Variants in FSTL4 observed in about 807,000 individuals in gnomAD.
The protein encoded by FSTL4 is follistatin-related protein 4.
In FSTL4, 28 loss-of-function variants were observed where a neutral mutation model predicts 78.2. The ratio of observed to expected loss-of-function variants is 0.36; its 90% CI spans 0.27 to 0.49. The LOEUF is 0.49. Among genes scored for constraint, FSTL4 ranks in the 20% least tolerant of loss-of-function variants. FSTL4 has a pLI of 0.98. For synonymous variants in FSTL4, 422 were observed against 440.5 expected, an observed-to-expected ratio of 0.96 and a Z score of 0.53; for missense variants, 922 against 1,084.9, an observed-to-expected ratio of 0.85 and a Z score of 2.11.
At chr5:133,363,530 T>C (rs754854391) in intron 4 of FSTL4, among the ~76,000 whole-genome samples, 35 of 152,186 alleles carry the variant, frequency 2.3e-4, no homozygotes, top group Non-Finnish European at 3.8e-4. Context: ...CGTCCAGCCC[T>C]GAATTTGAAT....
chr5:133,508,459 T>C (rs988506822), intron 3 of FSTL4, among the ~76,000 whole-genome samples: 1 of 152,204 alleles, frequency 6.6e-6, no homozygotes, highest in Non-Finnish European at 1.5e-5. Flanking sequence ...ACACCAGCAT[T>C]GCCACAAACA....
intron 7 of FSTL4, among the ~76,000 whole-genome samples, chr5:133,242,653 C>T (rs570148677): frequency 8.5e-5 from 13 of 152,134 alleles, no homozygotes; most frequent in Non-Finnish European, 1.6e-4. Flanking sequence ...GGCTGGAGTA[C>T]CATAGGCCCC....
chr5:133,829,146 T>G, the FSTL4 span, among the ~76,000 whole-genome samples: 7 of 152,098 alleles, frequency 4.6e-5, no homozygotes, highest in Non-Finnish European at 1.0e-4. Context: ...TCCCAGCACT[T>G]TGGGAGGCCA....
chr5:133,238,447 G>A (rs962884327), intron 7 of FSTL4, among the ~76,000 whole-genome samples: 1 of 152,192 alleles, frequency 6.6e-6, no homozygotes, highest in African/African-American at 2.4e-5. Flanking sequence ...AGTGACATGT[G>A]GTGCCTCGGT....
the FSTL4 span, among the ~76,000 whole-genome samples, chr5:133,771,535 T>C: frequency 7.2e-5 from 11 of 152,182 alleles, no homozygotes; most frequent in Non-Finnish European, 1.2e-4. Context: ...TCAGCTAGAT[T>C]CTTATCAGTG....
In FSTL4 at chr5:133,220,737, C is replaced by CAGTT. The variant is rs1224401415; in HGVS notation, c.1458+7_1458+10dup. On this transcript the variant is annotated intron_variant, in intron 12 of 15. Coordinates refer to ENST00000265342, the MANE Select transcript of FSTL4 (RefSeq NM_015082.2). ...TATGATGTAGAAGCTGCCCCAGGCA[C>CAGTT]AGTTACTTACATAGCTCATGAAAAT... is the stretch of plus-strand genomic sequence containing the variant. 7.3e-7 allele frequency: 1 copy of CAGTT among 1,363,814 alleles called. No homozygotes were observed. Among genetic ancestry groups the CAGTT allele is most frequent in the Non-Finnish European group, 1.1e-6 (1 of 950,966 alleles). The allele number at this position is 1,363,814 out of a possible 1,614,324, so 84.5% of individuals were successfully genotyped here.
chr5:133,757,751 T>C, the FSTL4 span, among the ~76,000 whole-genome samples: 1 of 152,210 alleles, frequency 6.6e-6, no homozygotes, highest in Non-Finnish European at 1.5e-5. Flanking sequence ...GCTCTTCTAG[T>C]TGATTCAGGG....
rs146018180 is a variant in FSTL4, at chr5:133,464,753, A to G, written c.161-63767T>C. ...AGGGAGTTGCTCACCCAGCTGCAGG[A>G]TTTGATCGGGGAAATTCTCAAAGGT... On this transcript the variant is annotated intron_variant, in intron 3 of 15. Transcript: ENST00000265342. 3.1e-3 allele frequency among the ~76,000 whole-genome samples: 468 copies of G among 152,344 alleles called. 2 individuals carry two copies. The highest frequency in any genetic ancestry group is 4.1e-3 in the Non-Finnish European group (280 of 68,028).
At chr5:133,757,785 C>G in the FSTL4 span, among the ~76,000 whole-genome samples, 1 of 152,144 alleles carries the variant, frequency 6.6e-6, no homozygotes, top group African/African-American at 2.4e-5. Flanking sequence ...ATGATTTCCA[C>G]ATAAATTTGA....
the FSTL4 span, among the ~76,000 whole-genome samples, chr5:133,696,491 C>T: frequency 6.6e-6 from 1 of 152,216 alleles, no homozygotes; most frequent in African/African-American, 2.4e-5. Context: ...GCCCCAGAGC[C>T]CTTTATCTGG....
At chr5:133,628,807 G>T in the FSTL4 span, among the ~76,000 whole-genome samples, 52 of 152,118 alleles carry the variant, frequency 3.4e-4, no homozygotes, top group Non-Finnish European at 6.6e-4. Flanking sequence ...AGGAATTCTT[G>T]TGATTTTTGC....
At chr5:133,507,674 C>CTAATT (rs1758637514) in intron 3 of FSTL4, among the ~76,000 whole-genome samples, 1 of 151,896 alleles carries the variant, frequency 6.6e-6, no homozygotes, top group South Asian at 2.1e-4. Context: ...AGGCGCCCGA[C>CTAATT]ACCATGCCCG....
chr5:133,327,119 C>G (rs1450335408), intron 4 of FSTL4, among the ~76,000 whole-genome samples: 2 of 152,232 alleles, frequency 1.3e-5, no homozygotes, highest in African/African-American at 4.8e-5. Flanking sequence ...TCTCCTGACC[C>G]TGGTCTTTCA....
intron 6 of FSTL4, among the ~76,000 whole-genome samples, chr5:133,285,222 G>C (rs1324258993): frequency 6.6e-6 from 1 of 152,242 alleles, no homozygotes; most frequent in Non-Finnish European, 1.5e-5. Flanking sequence ...AAAGAAGAGA[G>C]AGAAGTCAAG....
At chr5:133,795,556 G>T in the FSTL4 span, among the ~76,000 whole-genome samples, 1 of 152,236 alleles carries the variant, frequency 6.6e-6, no homozygotes, top group Non-Finnish European at 1.5e-5. Flanking sequence ...TTAGCAGAAG[G>T]ACTTCGGAAA....
chr5:133,783,762 G>A, the FSTL4 span, among the ~76,000 whole-genome samples: 2 of 152,196 alleles, frequency 1.3e-5, no homozygotes, highest in Non-Finnish European at 1.5e-5. Context: ...CCTTTCTCCA[G>A]ACTGGACTGT....
At chr5:133,365,946 G>A (rs1454925852) in intron 4 of FSTL4, among the ~76,000 whole-genome samples, 1 of 152,182 alleles carries the variant, frequency 6.6e-6, no homozygotes, top group Admixed American at 6.5e-5. Context: ...ATGAGGGCTA[G>A]CCCTCAGCCC....
chr5:133,397,125 G>C (rs2161201), intron 4 of FSTL4, among the ~76,000 whole-genome samples: 2 of 152,224 alleles, frequency 1.3e-5, no homozygotes. Context: ...CGTGAACAGC[G>C]TAGGAGATAA....
intron 2 of FSTL4, among the ~76,000 whole-genome samples, chr5:133,591,515 G>A (rs1162867949): frequency 6.6e-6 from 1 of 152,036 alleles, no homozygotes; most frequent in African/African-American, 2.4e-5. Context: ...TCCTTCACAA[G>A]AGCCACCCAG....
Sources: allele counts gnomAD v4.1 joint callset (sites outside exome capture counted in the v4.1 genomes callset), GRCh38; gene constraint gnomAD v4.1.1; transcripts MANE v1.5; gene names NCBI Gene and HGNC (gene_info 2026-07-23, HGNC 2026-07-21).